KCNQ2: variants seen among roughly 807,000 people sequenced by gnomAD.
The protein encoded by KCNQ2 is potassium voltage-gated channel subfamily KQT member 2.
In KCNQ2, 14 loss-of-function variants were observed where a neutral mutation model predicts 84.8. The ratio of observed to expected loss-of-function variants is 0.17; its 90% CI spans 0.11 to 0.26. KCNQ2 has a LOEUF of 0.26. KCNQ2 is among the 10% of genes least tolerant of loss of function. The pLI is 1.00. For synonymous variants in KCNQ2, 599 were observed against 554.1 expected (o/e 1.08, Z -1.14); for missense variants, 788 against 1,254.0 (o/e 0.63, Z 5.61).
In KCNQ2 at chr20:63,445,325, C is replaced by G. The variant is rs768237205; in HGVS notation, c.427G>C (p.Val143Leu). ...CAGCAGCCTGCGGCCCAGATCCGCACGAAGTACTCCACGCCAAACACCACG... is the reference window on the plus strand; with the variant it reads ...CAGCAGCCTGCGGCCCAGATCCGCAGGAAGTACTCCACGCCAAACACCACG... ...TIVVFGVEYFVRIWAAGCCCR... is the reference protein window; with the variant it reads ...TIVVFGVEYFLRIWAAGCCCR... The change falls in exon 3 of 17, where the codon GTG becomes CTG. Residue 143 changes from valine (V) to leucine (L), a missense_variant. Coordinates refer to ENST00000359125, the MANE Select transcript of KCNQ2 (RefSeq NM_172107.4). 1.2e-6 allele frequency: 2 copies of G among 1,613,740 alleles called. No homozygotes were observed. The highest frequency in any genetic ancestry group is 1.7e-6 in the Non-Finnish European group (2 of 1,180,018).
chr20:63,442,918 C>T (rs987849988), intron 4 of KCNQ2, among the ~76,000 whole-genome samples: 1 of 52,122 alleles, frequency 1.9e-5, no homozygotes, highest in Non-Finnish European at 4.3e-5. Flanking sequence ...CCATCACCAT[C>T]ACCACCATCA....
At chr20:63,420,395 A>C (rs1396666206) in intron 11 of KCNQ2, among the ~76,000 whole-genome samples, 1 of 152,216 alleles carries the variant, frequency 6.6e-6, no homozygotes, top group Non-Finnish European at 1.5e-5. Context: ...ACAATGTGCA[A>C]ATGATTAAGC....
intron 15 of KCNQ2, among the ~76,000 whole-genome samples, chr20:63,409,773 T>G (rs1334347333): frequency 6.9e-6 from 1 of 144,312 alleles, no homozygotes; most frequent in East Asian, 2.1e-4. Flanking sequence ...GCCACTGGGC[T>G]GCCCTACCTG....
chr20:63,428,605 C>G (rs547022941), intron 9 of KCNQ2, among the ~76,000 whole-genome samples, 170 bp from the exon 10 acceptor site: 1 of 152,196 alleles, frequency 6.6e-6, no homozygotes, highest in Non-Finnish European at 1.5e-5. Flanking sequence ...GGCTCAGGCC[C>G]ACCTCTCTTG....
chr20:63,436,440 A>C (rs1600742655), intron 7 of KCNQ2, among the ~76,000 whole-genome samples: 2 of 151,908 alleles, frequency 1.3e-5, no homozygotes, highest in African/African-American at 4.8e-5. Flanking sequence ...CTGAGGCAGG[A>C]GAATGGCAGG....
chr20:63,456,664 T>C (rs1265702928), intron 1 of KCNQ2, among the ~76,000 whole-genome samples: 1 of 152,094 alleles, frequency 6.6e-6, no homozygotes, highest in African/African-American at 2.4e-5. Context: ...GAAGCAGCCC[T>C]ACAGTCACGT....
chr20:63,442,843 C>T (rs983817679), intron 4 of KCNQ2, among the ~76,000 whole-genome samples: 2 of 49,138 alleles, frequency 4.1e-5, no homozygotes, highest in African/African-American at 7.2e-5. Context: ...CCACCACCAC[C>T]ATCACCATCA....
chr20:63,443,403 CCACCATCACCATCACCACCAT>C (rs1568937735), intron 4 of KCNQ2, among the ~76,000 whole-genome samples: 2 of 14,316 alleles, frequency 1.4e-4, no homozygotes, highest in African/African-American at 2.9e-4. Context: ...ATCACCATCA[CCACCATCACCATCACCACCAT>C]CATCACCATC....
Position 63,408,267 on chromosome 20 carries a change from C to T in KCNQ2, c.1887+146G>A. 9.7e-7 allele frequency: 1 copy of T among 1,034,872 alleles called. No homozygotes were observed. Among genetic ancestry groups the T allele is most frequent in the Non-Finnish European group, 1.4e-6 (1 of 707,386 alleles). The allele number at this position is 1,034,872 out of a possible 1,614,324, so 64.1% of individuals were successfully genotyped here. On this transcript the variant is annotated intron_variant, in intron 16 of 16. Transcript: ENST00000359125. This position sits in a 1 kb window ranked among gnomAD's most constrained non-coding sequence, Gnocchi z 5.0. The stretch of plus-strand genomic sequence containing the variant: ...TGGGGTGTGAGGGGTCTGCACAGAG[C>T]AGCTGTCAGTGGTGACAGGGCCATG...
intron 4 of KCNQ2, among the ~76,000 whole-genome samples, chr20:63,442,971 CCACCAT>C (rs2081257897): frequency 6.5e-4 from 9 of 13,946 alleles, no homozygotes; most frequent in South Asian, 2.2e-3. Flanking sequence ...ACCACCACCA[CCACCAT>C]CACCACCATT....
At position 63,425,123 on chromosome 20, in the gene KCNQ2, C is replaced by T. The variant is rs986463159; in HGVS notation, c.1218-917G>A. ...CTGTGTCTCTGTGTCTTCTCCTCCTCTACCTCTGTAAGGACAGCTGTCACC... is the reference window on the plus strand; with the variant it reads ...CTGTGTCTCTGTGTCTTCTCCTCCTTTACCTCTGTAAGGACAGCTGTCACC... On this transcript the variant is annotated intron_variant, in intron 10 of 16. Coordinates refer to ENST00000359125, the MANE Select transcript of KCNQ2 (RefSeq NM_172107.4). The surrounding 1 kb of genome is among the most constrained non-coding windows in gnomAD (Gnocchi z 5.5). Among the ~76,000 whole-genome samples the T allele has an allele frequency of 1.4e-4, 22 of 152,196 alleles. No individual in the cohort carries two copies. Among genetic ancestry groups the T allele is most frequent in the Non-Finnish European group, 1.0e-4 (7 of 68,032 alleles).
intron 4 of KCNQ2, among the ~76,000 whole-genome samples, chr20:63,443,279 AC>A (rs1172959583): frequency 1.0e-5 from 1 of 98,694 alleles, no homozygotes. Flanking sequence ...CACCACCATC[AC>A]CATCACCATC....
At chr20:63,415,196 C>G (rs75305929) in intron 12 of KCNQ2, 70 bp from the exon 13 acceptor site, 2 of 1,391,200 alleles carry the variant, frequency 1.4e-6, no homozygotes, top group Admixed American at 3.7e-5. Flanking sequence ...GAACACAGGC[C>G]GTGTCTGCTC....
intron 5 of KCNQ2, among the ~76,000 whole-genome samples, chr20:63,441,959 G>C (rs184315381): frequency 2.3e-4 from 35 of 152,286 alleles, no homozygotes; most frequent in Admixed American, 2.3e-3. Context: ...TGTGGCCCCA[G>C]GTGAGGAGGA....
At chr20:63,426,385 A>C (rs1301379424) in intron 10 of KCNQ2, among the ~76,000 whole-genome samples, 8 of 152,204 alleles carry the variant, frequency 5.3e-5, no homozygotes, top group African/African-American at 7.2e-5. Context: ...TTCTCTCCAA[A>C]GCAGGCTTTG....
intron 11 of KCNQ2, 141 bp downstream of exon 11, chr20:63,424,036 C>G: frequency 1.1e-6 from 1 of 895,992 alleles, no homozygotes. Context: ...AGGCGGGGGT[C>G]TGGACCCGCA....
rs775924927 is a variant in KCNQ2 at position 63,424,115 on chromosome 20, G to A, written c.1247+62C>T. On this transcript the variant is annotated intron_variant, in intron 11 of 16. Transcript: ENST00000359125. ...TCCATGACAGGTTGCGCACACGTGT[G>A]GGAGAGAGACCAGACGGCCGTGCAC... is the stretch of plus-strand genomic sequence containing the variant. 2.6e-6 allele frequency: 4 copies of A among 1,531,130 alleles called. No individual in the cohort carries two copies. The South Asian group carries it at 3.6e-5, about 14-fold the overall frequency. 94.8% of individuals were successfully genotyped at this position (1,531,130 alleles called of 1,614,324 possible).
At position 63,407,180 on chromosome 20, in the gene KCNQ2, A is replaced by G. The variant is rs1301621747; in HGVS notation, c.2083T>C (p.Ser695Pro). ...GCCGAGAAGTTCTTCTGGCCCGTGG[A>G]GCTGCTGGAGCGCACGATCTTGACA... ...CIVKIVRSSS[S>P]TGQKNFSAPP... Residue 695 changes from serine to proline, a missense_variant, in exon 17 of 17, where the codon TCC (serine) becomes CCC (proline). Ser to Pro is a moderately conservative substitution (Grantham distance 74). Coordinates refer to ENST00000359125, the MANE Select transcript of KCNQ2 (RefSeq NM_172107.4). This position sits in a 1 kb window ranked among gnomAD's most constrained non-coding sequence, Gnocchi z 7.2. 1 of 1,604,880 alleles carries G rather than the reference A, an allele frequency of 6.2e-7. No individual in the cohort carries two copies. The highest frequency in any genetic ancestry group is 1.1e-5 in the South Asian group (1 of 90,628).
In KCNQ2 at chr20:63,438,307, C is replaced by G. The variant is rs556484342; in HGVS notation, c.1023+318G>C. 8.7e-4 allele frequency: 413 copies of G among 473,838 alleles called. No individual in the cohort carries two copies. The highest frequency in any genetic ancestry group is 1.4e-3 in the Non-Finnish European group (351 of 255,536). 29.4% of individuals were successfully genotyped at this position (473,838 alleles called of 1,614,324 possible). A position where few individuals can be genotyped will look rare whatever the true frequency, so the allele number is the denominator to read the frequency against. ...AGTGTGTGGGCTCTAGGAGCCTTGG[C>G]CCTGCAGCTGCAGAACGGGTGTGCT... is the stretch of plus-strand genomic sequence containing the variant. On this transcript the variant is annotated intron_variant, in intron 7 of 16. Transcript: ENST00000359125. The surrounding 1 kb of genome is among the most constrained non-coding windows in gnomAD (Gnocchi z 5.1).
Sources: gnomAD v4.1 joint callset for allele counts (sites outside exome capture counted in the v4.1 genomes callset) on GRCh38, gnomAD v4.1.1 for gene constraint, Gnocchi (gnomAD v3.1) non-coding constraint, MANE v1.5 for transcripts, NCBI Gene and HGNC (gene_info 2026-07-23, HGNC 2026-07-21) for gene names.